The following SCFD2 variants were observed in gnomAD, a reference collection of about 807,000 sequenced individuals.
The protein encoded by SCFD2 is sec1 family domain-containing protein 2.
In SCFD2, 54 loss-of-function variants were observed where a neutral mutation model predicts 58.9. The ratio of observed to expected loss-of-function variants is 0.92; its 90% CI spans 0.74 to 1.15. The LOEUF is 1.15. Ranked by LOEUF, SCFD2 falls within the 50% of genes most tolerant of loss-of-function variation. The pLI is 0.00. For missense variants in SCFD2, 805 were observed against 836.6 expected (o/e 0.96, Z 0.47); for synonymous variants, 321 against 335.9 (o/e 0.96, Z 0.49).
intron 2 of SCFD2, among the ~76,000 whole-genome samples, chr4:53,333,251 TA>T (rs1274469318): frequency 2.0e-5 from 3 of 148,276 alleles, no homozygotes; most frequent in African/African-American, 7.5e-5. Flanking sequence ...AAAACTACTT[TA>T]AAGTTCATAT....
intron 4 of SCFD2, among the ~76,000 whole-genome samples, chr4:53,207,225 C>T (rs554586958): frequency 7.1e-4 from 106 of 149,998 alleles, no homozygotes; most frequent in African/African-American, 2.3e-3. Flanking sequence ...TGATGCATTA[C>T]GGATTAAGTT....
chr4:53,204,125 T>C (rs1212679181), intron 4 of SCFD2, among the ~76,000 whole-genome samples: 1 of 152,036 alleles, frequency 6.6e-6, no homozygotes, highest in Non-Finnish European at 1.5e-5. Flanking sequence ...CCAACAAACC[T>C]CATTCTATAG....
At chr4:53,113,006 T>C (rs1725215691) in intron 5 of SCFD2, among the ~76,000 whole-genome samples, 1 of 152,122 alleles carries the variant, frequency 6.6e-6, no homozygotes, top group South Asian at 2.1e-4. Flanking sequence ...TCATAGCTCT[T>C]AGGATGAATA....
chr4:53,249,188 C>A (rs1317349878), intron 4 of SCFD2, among the ~76,000 whole-genome samples: 1 of 152,044 alleles, frequency 6.6e-6, no homozygotes, highest in Non-Finnish European at 1.5e-5. Flanking sequence ...ATGAGATAAA[C>A]TGGAAGAAAG....
In SCFD2 at chr4:53,275,173, C is replaced by T. The variant is rs183348072; in HGVS notation, c.1136-1172G>A. On this transcript the variant is annotated intron_variant, in intron 3 of 8. Coordinates refer to ENST00000401642, the MANE Select transcript of SCFD2 (RefSeq NM_152540.4). ...GACGTGCTAAGAAAGTAATGTCTTA[C>T]CCAGTGCTAAATGGCAGATATCACT... Among the ~76,000 whole-genome samples, 107 of 152,316 alleles carry T rather than the reference C, an allele frequency of 7.0e-4. No homozygotes were observed. The Middle Eastern group carries it at 0.02, about 29-fold the overall frequency.
rs571104891 is a variant in SCFD2, at chr4:52,982,599, T to C, written c.1562-61729A>G. Among the ~76,000 whole-genome samples, 11 of 152,350 alleles carry C rather than the reference T, an allele frequency of 7.2e-5. 1 individual carries two copies. The South Asian group carries it at 2.3e-3, about 32-fold the overall frequency. ...GCATTCCTATTGATAGCTTATTGTT[T>C]GGATGTTATTTATCCAATCTCTAAA... On this transcript the variant is annotated intron_variant, in intron 5 of 8. Coordinates refer to ENST00000401642, the MANE Select transcript of SCFD2 (RefSeq NM_152540.4).
chr4:53,069,689 T>C (rs1313307598), intron 5 of SCFD2, among the ~76,000 whole-genome samples: 1 of 152,038 alleles, frequency 6.6e-6, no homozygotes, highest in Non-Finnish European at 1.5e-5. Context: ...TAATGCAACA[T>C]GGTACTATAA....
At chr4:52,992,327 T>G (rs535606788) in intron 5 of SCFD2, among the ~76,000 whole-genome samples, 5 of 152,342 alleles carry the variant, frequency 3.3e-5, no homozygotes, top group Admixed American at 2.6e-4. Context: ...CCTCACTCAG[T>G]GCTCAATGTT....
rs575695776 is a variant in SCFD2, at chr4:52,875,148, A to G, written c.1963-1087T>C. On this transcript the variant is annotated intron_variant, in intron 8 of 8. Coordinates refer to ENST00000401642, the MANE Select transcript of SCFD2 (RefSeq NM_152540.4). ...ATCCCAGCGCAGACAGGCTGGCCCC[A>G]GTGCCCCCGTGCCTCCCTTCCCTGT... is the stretch of plus-strand genomic sequence containing the variant. 2.0e-5 allele frequency among the ~76,000 whole-genome samples: 3 copies of G among 152,308 alleles called. No individual in the cohort carries two copies. The South Asian group carries it at 6.2e-4, about 32-fold the overall frequency.
chr4:52,946,754 C>T (rs1311258596), intron 5 of SCFD2, among the ~76,000 whole-genome samples: 1 of 152,080 alleles, frequency 6.6e-6, no homozygotes, highest in Non-Finnish European at 1.5e-5. Flanking sequence ...TTGGAACCTC[C>T]TAGAACAAAG....
intron 5 of SCFD2, among the ~76,000 whole-genome samples, chr4:53,077,685 G>A (rs145282251): frequency 0.02 from 2,979 of 152,140 alleles, 69 homozygotes; most frequent in East Asian, 0.11. Flanking sequence ...TGATCCACCC[G>A]TCTTGGCCCC....
chr4:53,056,959 G>A (rs1723358921), intron 5 of SCFD2, among the ~76,000 whole-genome samples: 1 of 152,126 alleles, frequency 6.6e-6, no homozygotes, highest in African/African-American at 2.4e-5. Flanking sequence ...CGAGGTGGCG[G>A]ATCACTTGAG....
At chr4:53,237,148 G>A (rs1729649806) in intron 4 of SCFD2, among the ~76,000 whole-genome samples, 1 of 149,540 alleles carries the variant, frequency 6.7e-6, no homozygotes, top group African/African-American at 2.5e-5. Flanking sequence ...GAGAGCACAG[G>A]GTTGGGGGTA....
intron 4 of SCFD2, among the ~76,000 whole-genome samples, chr4:53,218,899 T>C (rs1728952273): frequency 6.6e-6 from 1 of 152,220 alleles, no homozygotes; most frequent in South Asian, 2.1e-4. Context: ...TTGCTGGATG[T>C]CCACTCCAGA....
At chr4:52,996,288 T>C (rs1721739574) in intron 5 of SCFD2, among the ~76,000 whole-genome samples, 1 of 151,752 alleles carries the variant, frequency 6.6e-6, no homozygotes, top group Non-Finnish European at 1.5e-5. Flanking sequence ...AGCAAGGAGG[T>C]CTTGGCGACT....
At chr4:53,076,721 A>C (rs1723987144) in intron 5 of SCFD2, among the ~76,000 whole-genome samples, 1 of 152,170 alleles carries the variant, frequency 6.6e-6, no homozygotes, top group African/African-American at 2.4e-5. Flanking sequence ...TGAACCTTTA[A>C]ATGGTGATGA....
chr4:53,203,457 T>G (rs1577836906), intron 4 of SCFD2, among the ~76,000 whole-genome samples: 1 of 151,896 alleles, frequency 6.6e-6, no homozygotes, highest in African/African-American at 2.4e-5. Context: ...AAAGATCAAA[T>G]GAAACATAGA....
chr4:53,337,763 A>T (rs1733728938), intron 2 of SCFD2, among the ~76,000 whole-genome samples: 1 of 152,192 alleles, frequency 6.6e-6, no homozygotes, highest in African/African-American at 2.4e-5. Flanking sequence ...ATGTGGAAAA[A>T]TTTCAAAACC....
At chr4:53,179,300 G>A (rs186781207) in intron 4 of SCFD2, among the ~76,000 whole-genome samples, 28 of 152,228 alleles carry the variant, frequency 1.8e-4, no homozygotes, top group Non-Finnish European at 3.5e-4. Flanking sequence ...ACAGCTGATC[G>A]CTCGGCAGAA....
Sources: allele counts gnomAD v4.1 joint callset (sites outside exome capture counted in the v4.1 genomes callset), GRCh38; gene constraint gnomAD v4.1.1; transcripts MANE v1.5; gene names NCBI Gene and HGNC (gene_info 2026-07-23, HGNC 2026-07-21).